DCDC1: variants seen among roughly 807,000 people sequenced by gnomAD.
The protein encoded by DCDC1 is doublecortin domain containing 1, also known as doublecortin domain-containing protein 1.
A neutral mutation model predicts 178.3 loss-of-function variants in DCDC1; 200 were observed. That is an observed-to-expected ratio of 1.12 (90% CI 1.00 to 1.26). DCDC1 has a LOEUF of 1.26. Ranked by LOEUF, DCDC1 falls within the 50% of genes most tolerant of loss-of-function variation. The pLI is 0.00. For missense variants in DCDC1, 1,983 were observed against 1,749.2 expected, an observed-to-expected ratio of 1.13 and a Z score of -2.38; for synonymous variants, 690 against 604.8, an observed-to-expected ratio of 1.14 and a Z score of -2.07.
At position 31,137,355 on chromosome 11, in the gene DCDC1, GTTT is replaced by G. The variant is rs35286625; in HGVS notation, c.1314+334_1314+336del. 1.2e-4 allele frequency among the ~76,000 whole-genome samples: 16 copies of G among 138,524 alleles called. No individual in the cohort carries two copies. The East Asian group carries it at 2.5e-3, about 22-fold the overall frequency. 90.9% of individuals were successfully genotyped at this position (138,524 alleles called of 152,430 possible). On this transcript the variant is annotated intron_variant, in intron 10 of 38. Transcript: ENST00000684477. ...ATTTTAAAATTAGTGTTCATTGCAGGTTTTTTTTTTTTTTTTTACGGAGTCTCG... is the reference window on the plus strand; with the variant it reads ...ATTTTAAAATTAGTGTTCATTGCAGGTTTTTTTTTTTTTTACGGAGTCTCG...
At chr11:30,997,835 A>G (rs1190719626) in intron 20 of DCDC1, among the ~76,000 whole-genome samples, 2 of 151,838 alleles carry the variant, frequency 1.3e-5, no homozygotes, top group East Asian at 3.9e-4. Flanking sequence ...GTGTGTGTGT[A>G]CACACACTAG....
chr11:31,195,953 T>C (rs977267779), intron 9 of DCDC1, among the ~76,000 whole-genome samples: 2 of 152,000 alleles, frequency 1.3e-5, no homozygotes, highest in African/African-American at 4.8e-5. Context: ...CACATAAGGA[T>C]ACTGAGCTTA....
chr11:31,155,349 T>TGCG (rs1421354521), intron 9 of DCDC1, among the ~76,000 whole-genome samples: 1 of 152,222 alleles, frequency 6.6e-6, no homozygotes, highest in African/African-American at 2.4e-5. Context: ...ACTGTGCTAG[T>TGCG]GCTGGCACTG....
At chr11:30,899,695 C>A (rs916312915) in intron 33 of DCDC1, 53 bp from the exon 34 acceptor site, 13 of 1,231,552 alleles carry the variant, frequency 1.1e-5, no homozygotes, top group Non-Finnish European at 1.3e-5. Flanking sequence ...ATCACGCGCA[C>A]CAATAATTTA....
chr11:31,082,603 ATATC>A (rs1957247497), intron 17 of DCDC1, among the ~76,000 whole-genome samples: 2 of 40,522 alleles, frequency 4.9e-5, no homozygotes, highest in African/African-American at 1.3e-4. Flanking sequence ...ATAGATATCT[ATATC>A]TATACATCAC....
chr11:31,276,480 T>A (rs1945996791), intron 7 of DCDC1, among the ~76,000 whole-genome samples: 1 of 152,182 alleles, frequency 6.6e-6, no homozygotes, highest in African/African-American at 2.4e-5. Flanking sequence ...TAGAATTTTT[T>A]TTTTTGCTAA....
chr11:31,005,693 C>A (rs35541957), intron 20 of DCDC1, among the ~76,000 whole-genome samples: 19 of 152,110 alleles, frequency 1.2e-4, no homozygotes, highest in African/African-American at 4.6e-4. Context: ...ATACCACTTT[C>A]TTCTCTCCTA....
chr11:31,230,845 T>G (rs1225013302), intron 9 of DCDC1, among the ~76,000 whole-genome samples: 1 of 150,688 alleles, frequency 6.6e-6, no homozygotes, highest in East Asian at 1.9e-4. Context: ...AATTGGTTTT[T>G]AAAATCTATC....
At chr11:31,072,513 T>G (rs1354035856) in intron 18 of DCDC1, among the ~76,000 whole-genome samples, 1 of 152,158 alleles carries the variant, frequency 6.6e-6, no homozygotes. Context: ...GATGTACTTA[T>G]GAAGATGTAC....
intron 20 of DCDC1, among the ~76,000 whole-genome samples, chr11:30,953,649 T>C (rs549956879): frequency 1.3e-5 from 2 of 152,184 alleles, no homozygotes; most frequent in Admixed American, 1.3e-4. Context: ...AGCAGAATGG[T>C]CCAAAGAAGT....
intron 3 of DCDC1, among the ~76,000 whole-genome samples, chr11:31,321,886 G>A (rs571073170): frequency 2.0e-4 from 31 of 152,168 alleles, no homozygotes; most frequent in African/African-American, 3.1e-4. Flanking sequence ...TACTGATCAC[G>A]ATTAGCTCTG....
intron 20 of DCDC1, among the ~76,000 whole-genome samples, chr11:30,956,872 T>A (rs1948801185): frequency 6.6e-6 from 1 of 152,142 alleles, no homozygotes; most frequent in Admixed American, 6.5e-5. Context: ...CATTCCTCCA[T>A]CCCATTGACT....
rs762370740 is a variant in DCDC1, at chr11:30,925,374, G to A, written c.2932C>T (p.Arg978Trp). ...TEILNLPSAA[R>W]RLYNEKGKEI... ...TTCCCCTTTTCATTGTACAATCTCC[G>A]AGCTGCAGAAGGTAAATTTAAAATC... is the stretch of plus-strand genomic sequence containing the variant. Residue 978 changes from arginine to tryptophan, a missense_variant, in exon 23 of 39, where the codon CGG becomes TGG. Transcript: ENST00000684477. 3 of 1,613,340 alleles carry A rather than the reference G, an allele frequency of 1.9e-6. No individual in the cohort carries two copies. The highest frequency in any genetic ancestry group is 1.7e-5 in the Admixed American group (1 of 59,954).
intron 25 of DCDC1, among the ~76,000 whole-genome samples, chr11:30,920,352 A>T (rs1946157603): frequency 6.6e-6 from 1 of 152,180 alleles, no homozygotes; most frequent in Non-Finnish European, 1.5e-5. Context: ...GGGGAATTGG[A>T]AGGAAGATAT....
intron 9 of DCDC1, among the ~76,000 whole-genome samples, chr11:31,223,668 G>A (rs779464583): frequency 2.6e-5 from 4 of 152,016 alleles, no homozygotes; most frequent in Non-Finnish European, 4.4e-5. Flanking sequence ...ATTACTGTGT[G>A]GAAGTTAAAA....
At chr11:31,188,303 T>C (rs887788588) in intron 9 of DCDC1, among the ~76,000 whole-genome samples, 1 of 152,150 alleles carries the variant, frequency 6.6e-6, no homozygotes, top group Admixed American at 6.6e-5. Context: ...ATCAATCAAT[T>C]GAATAGAAGC....
chr11:30,926,112 T>C (rs1946572049), intron 22 of DCDC1, among the ~76,000 whole-genome samples: 1 of 152,150 alleles, frequency 6.6e-6, no homozygotes, highest in East Asian at 1.9e-4. Context: ...TATGAAGTCG[T>C]AGGTGCTGCC....
intron 9 of DCDC1, among the ~76,000 whole-genome samples, chr11:31,178,624 G>C (rs776789751): frequency 1.3e-5 from 2 of 152,138 alleles, no homozygotes; most frequent in Non-Finnish European, 2.9e-5. Flanking sequence ...CTATACATCT[G>C]ACAAGGGGTT....
chr11:31,335,768 T>C (rs920849553), intron 1 of DCDC1, among the ~76,000 whole-genome samples: 4 of 152,190 alleles, frequency 2.6e-5, no homozygotes, highest in African/African-American at 9.7e-5. Context: ...ACCCCTGATC[T>C]ACAGGATCCT....
Sources: gnomAD v4.1 joint callset for allele counts (sites outside exome capture counted in the v4.1 genomes callset) on GRCh38, gnomAD v4.1.1 for gene constraint, MANE v1.5 for transcripts, NCBI Gene and HGNC (gene_info 2026-07-23, HGNC 2026-07-21) for gene names.